The following FRAS1 variants were observed in gnomAD, a reference collection of about 807,000 sequenced individuals.
The protein encoded by FRAS1 is Fraser extracellular matrix complex subunit 1.
FRAS1 carries 290 observed loss-of-function variants against 435.2 expected under a neutral mutation model. That is an observed-to-expected ratio of 0.67 (90% confidence interval 0.61 to 0.73). FRAS1 has a LOEUF of 0.73. Ranked by LOEUF, FRAS1 falls within the 30% of genes least tolerant of loss-of-function variation. The pLI, the probability that FRAS1 is intolerant of heterozygous loss-of-function variation, is 0.00. For missense variants in FRAS1, 4,860 were observed against 5,001.5 expected, an observed-to-expected ratio of 0.97 and a Z score of 0.85; for synonymous variants, 1,800 against 1,851.0, an observed-to-expected ratio of 0.97 and a Z score of 0.71.
chr4:78,272,100 G>C (rs1209232272), intron 9 of FRAS1, among the ~76,000 whole-genome samples: 1 of 152,194 alleles, frequency 6.6e-6, no homozygotes, highest in East Asian at 1.9e-4. Flanking sequence ...TCTGTTGGCT[G>C]CATAAATGTC....
intron 2 of FRAS1, among the ~76,000 whole-genome samples, chr4:78,120,509 AAGG>A (rs1718948899): frequency 6.6e-6 from 1 of 152,170 alleles, no homozygotes; most frequent in Non-Finnish European, 1.5e-5. Flanking sequence ...AAGAAGTTGT[AAGG>A]AGGAGAAGCC....
chr4:78,477,989 T>G lies in FRAS1; in HGVS notation c.8026T>G (p.Leu2676Val). Residue 2676 changes from leucine (L) to valine (V), a missense_variant, in exon 55 of 74, where the codon TTA (leucine) becomes GTA (valine). Physicochemically the swap from Leu to Val is conservative, Grantham distance 32 (BLOSUM62 1). Transcript: ENST00000512123. ...IINDTEDEPT[L>V]EFDKKIYWVN... ...CAACGATACCGAGGATGAACCCACA[T>G]TAGAGTTTGACAAGAAGATCTACTG... The G allele has an allele frequency of 6.2e-7, 1 of 1,611,232 alleles. No homozygotes were observed. Among genetic ancestry groups the G allele is most frequent in the Non-Finnish European group, 8.5e-7 (1 of 1,178,752 alleles).
At chr4:78,344,577 T>G (rs922044981) in intron 20 of FRAS1, among the ~76,000 whole-genome samples, 1 of 145,354 alleles carries the variant, frequency 6.9e-6, no homozygotes, top group African/African-American at 2.7e-5. Context: ...CAATCGGGGC[T>G]CAAGAATGAT....
At chr4:78,156,027 G>A (rs2110017506) in intron 2 of FRAS1, among the ~76,000 whole-genome samples, 1 of 152,272 alleles carries the variant, frequency 6.6e-6, no homozygotes, top group South Asian at 2.1e-4. Flanking sequence ...TGCTCATCAT[G>A]CTTGATGATC....
At position 78,403,488 on chromosome 4, in the gene FRAS1, G is replaced by A. The variant is rs151023096; in HGVS notation, c.4129+2601G>A. Among the ~76,000 whole-genome samples the A allele has an allele frequency of 6.9e-4, 105 of 152,260 alleles. 1 individual carries two copies. The Middle Eastern group carries it at 0.027, about 39-fold the overall frequency. Reference sequence around the variant, plus strand: ...GTGGTGGGAACTAAAAGTCCACTTAGCACAAATCTGCTTGCATCTATCAGT... The same window carrying A: ...GTGGTGGGAACTAAAAGTCCACTTAACACAAATCTGCTTGCATCTATCAGT... On this transcript the variant is annotated intron_variant, in intron 30 of 73. Coordinates refer to ENST00000512123, the MANE Select transcript of FRAS1 (RefSeq NM_025074.7).
chr4:78,298,697 T>G (rs564849980), intron 14 of FRAS1, among the ~76,000 whole-genome samples: 1 of 152,208 alleles, frequency 6.6e-6, no homozygotes, highest in Non-Finnish European at 1.5e-5. Context: ...GTGAGTTGTT[T>G]CCATGTAGAA....
At chr4:78,359,211 A>AGGT (rs1730979487) in intron 20 of FRAS1, among the ~76,000 whole-genome samples, 1 of 152,024 alleles carries the variant, frequency 6.6e-6, no homozygotes, top group Non-Finnish European at 1.5e-5. Context: ...GCCTGCTCAC[A>AGGT]GGTGGTGCCC....
rs1287351569 is a variant in FRAS1, at chr4:78,333,404, GT to G, written c.2272del (p.Cys758AlafsTer212). 6.2e-6 allele frequency: 10 copies of G among 1,611,224 alleles called. No homozygotes were observed. Among genetic ancestry groups the G allele is most frequent in the Non-Finnish European group, 7.6e-6 (9 of 1,178,694 alleles). On this transcript the variant is annotated frameshift_variant, in exon 19 of 74. Coordinates refer to ENST00000512123, the MANE Select transcript of FRAS1 (RefSeq NM_025074.7). LOFTEE classifies it high-confidence loss of function. ...CPDGYFHQEG[S>X]CTECHPTCRQ... is the part of the protein sequence containing the mutation. Reference sequence around the variant, plus strand: ...GATGGCTACTTTCACCAGGAAGGTAGTTGCACAGGTGAGTATGTAATGTGCT... The same window carrying G: ...GATGGCTACTTTCACCAGGAAGGTAGTGCACAGGTGAGTATGTAATGTGCT...
chr4:78,265,417 T>C (rs1253002828), intron 7 of FRAS1, among the ~76,000 whole-genome samples: 2 of 152,224 alleles, frequency 1.3e-5, no homozygotes, highest in South Asian at 4.1e-4. Flanking sequence ...AGTTTACATT[T>C]AGCTTTGAGG....
chr4:78,402,880 T>C (rs1732952449), intron 30 of FRAS1, among the ~76,000 whole-genome samples: 1 of 152,190 alleles, frequency 6.6e-6, no homozygotes. Context: ...AATTTGTTAG[T>C]CTGAGGATGA....
intron 22 of FRAS1, among the ~76,000 whole-genome samples, chr4:78,368,710 C>G (rs1056725645): frequency 1.3e-5 from 2 of 152,070 alleles, no homozygotes; most frequent in Non-Finnish European, 2.9e-5. Flanking sequence ...GTAGAGCATG[C>G]TATAATGCAA....
In FRAS1 at chr4:78,252,462, C is replaced by T. The variant is rs147709711; in HGVS notation, c.380C>T (p.Pro127Leu). The change falls in exon 5 of 74, where the codon CCC becomes CTC. Residue 127 changes from proline to leucine, a missense_variant. Coordinates refer to ENST00000512123, the MANE Select transcript of FRAS1 (RefSeq NM_025074.7). ...SCNHGEVRCT[P>L]QPCPPLSCGH... ...AATCATGGGGAAGTCCGATGTACCC[C>T]CCAACCATGCCCACCGCTGTCATGT... The T allele has an allele frequency of 6.2e-7, 1 of 1,613,592 alleles. No homozygotes were observed. The highest frequency in any genetic ancestry group is 2.2e-5 in the East Asian group (1 of 44,876).
Position 78,456,138 on chromosome 4 carries a change from C to CTTTTTTTTTTCT in FRAS1, c.6763+3794_6763+3795insCTTTTTTTTTTT, listed in dbSNP as rs1553962164. ...AGCATTACTTGAAGAACACATGTCACTTTTTTTTTTTTTTTTTTTTTTTGA... is the reference window on the plus strand; with the variant it reads ...AGCATTACTTGAAGAACACATGTCACTTTTTTTTTTCTTTTTTTTTTTTTTTTTTTTTTTTGA... On this transcript the variant is annotated intron_variant, in intron 47 of 73. Transcript: ENST00000512123. 1.4e-4 allele frequency among the ~76,000 whole-genome samples: 7 copies of CTTTTTTTTTTCT among 51,478 alleles called. 1 individual carries two copies. Among genetic ancestry groups the CTTTTTTTTTTCT allele is most frequent in the Admixed American group, 6.0e-4 (3 of 5,004 alleles). The allele number at this position is 51,478 out of a possible 152,430, so 33.8% of individuals were successfully genotyped here. A position where few individuals can be genotyped will look rare whatever the true frequency, so the allele number is the denominator to read the frequency against.
chr4:78,474,830 A>G (rs956818858), intron 53 of FRAS1, among the ~76,000 whole-genome samples: 2 of 152,244 alleles, frequency 1.3e-5, no homozygotes, highest in African/African-American at 4.8e-5. Context: ...AATCAATAGC[A>G]TATGAATAGT....
intron 2 of FRAS1, among the ~76,000 whole-genome samples, chr4:78,087,723 G>A (rs896792877): frequency 5.3e-5 from 8 of 152,198 alleles, no homozygotes; most frequent in Middle Eastern, 3.4e-3. Context: ...TACAAGGGGC[G>A]CGAAGGACCT....
At chr4:78,331,008 A>T (rs149623121) in intron 18 of FRAS1, among the ~76,000 whole-genome samples, 14 of 152,168 alleles carry the variant, frequency 9.2e-5, no homozygotes, top group African/African-American at 3.1e-4. Flanking sequence ...CTCCCCTGGA[A>T]GCCCAGCTTT....
Position 78,440,017 on chromosome 4 carries a change from CTTTTTTTTTTTTTTT to C in FRAS1, c.5529+963_5529+977del, listed in dbSNP as rs1163344254. On this transcript the variant is annotated intron_variant, in intron 40 of 73. Coordinates refer to ENST00000512123, the MANE Select transcript of FRAS1 (RefSeq NM_025074.7). The stretch of plus-strand genomic sequence containing the variant: ...GAAAATTCATAAAACTAAGTCATTT[CTTTTTTTTTTTTTTT>C]TTTTTTTTTGAGACGGAGTCTCGCT... Among the ~76,000 whole-genome samples, 93 of 93,038 alleles carry C rather than the reference CTTTTTTTTTTTTTTT, an allele frequency of 1.0e-3. 3 individuals carry two copies. The Admixed American group carries it at 0.012, about 12-fold the overall frequency. 61.0% of individuals were successfully genotyped at this position (93,038 alleles called of 152,430 possible). A position where few individuals can be genotyped will look rare whatever the true frequency, so the allele number is the denominator to read the frequency against.
In FRAS1 at chr4:78,379,911, G is replaced by T. The variant is rs1259145762; in HGVS notation, c.3478G>T (p.Val1160Phe). ...QLVLSRNGKEVQLDKAGRFSW... is the reference protein window; with the variant it reads ...QLVLSRNGKEFQLDKAGRFSW... ...AGTGCTCTCAAGAAATGGAAAAGAG[G>T]TTCAGCTGGACAAGGCTGGCCGTTT... The change falls in exon 27 of 74, where the codon GTT becomes TTT. Residue 1160 changes from valine to phenylalanine, a missense_variant. By Grantham distance (50) the Val-to-Phe change is conservative. Transcript: ENST00000512123. 6.2e-7 allele frequency: 1 copy of T among 1,613,942 alleles called. No individual in the cohort carries two copies. The highest frequency in any genetic ancestry group is 1.7e-5 in the Admixed American group (1 of 60,010).
rs770006445 is a variant in FRAS1, at chr4:78,475,478, G to A, written c.7723G>A (p.Val2575Met). The A allele has an allele frequency of 1.2e-6, 2 of 1,613,972 alleles. No homozygotes were observed. The highest frequency in any genetic ancestry group is 2.2e-5 in the East Asian group (1 of 44,866). ...GAAGGCAGGGTCTGTCAGTGTCACG[G>A]TGCAGAGGACTGGGAACCTGAACCA... is the stretch of plus-strand genomic sequence containing the variant. The part of the protein sequence containing the change: ...SEKAGSVSVT[V>M]QRTGNLNQYA... Residue 2575 changes from valine (V) to methionine (M), a missense_variant, in exon 54 of 74, where the codon GTG becomes ATG. Transcript: ENST00000512123.
Sources: gnomAD v4.1 joint callset for allele counts (sites outside exome capture counted in the v4.1 genomes callset) on GRCh38, gnomAD v4.1.1 for gene constraint, MANE v1.5 for transcripts, NCBI Gene and HGNC (gene_info 2026-07-23, HGNC 2026-07-21) for gene names.